The following CCDC40 variants were observed in gnomAD, a reference collection of about 807,000 sequenced individuals.
CCDC40 encodes the protein coiled-coil domain 40 molecular ruler complex subunit.
A neutral mutation model predicts 124.5 loss-of-function variants in CCDC40; 104 were observed. The ratio of observed to expected loss-of-function variants is 0.84; its 90% CI spans 0.71 to 0.98. The LOEUF (loss-of-function observed/expected upper bound fraction) is 0.98, where lower values mean the gene tolerates loss of function less well. Ranked by LOEUF, CCDC40 falls within the 50% of genes least tolerant of loss-of-function variation. CCDC40 has a pLI of 0.00. For missense variants in CCDC40, 1,463 were observed against 1,503.9 expected, an observed-to-expected ratio of 0.97 and a Z score of 0.45; for synonymous variants, 580 against 602.9, an observed-to-expected ratio of 0.96 and a Z score of 0.56.
intron 1 of CCDC40, among the ~76,000 whole-genome samples, chr17:80,037,376 C>G (rs980212168): frequency 6.6e-6 from 1 of 152,066 alleles, no homozygotes; most frequent in Admixed American, 6.6e-5. Flanking sequence ...GCCTTTTTAC[C>G]TTAGACACAT....
Position 80,068,089 on chromosome 17 carries a change from A to G in CCDC40, c.1562+2483A>G, listed in dbSNP as rs535898789. On this transcript the variant is annotated intron_variant, in intron 10 of 19. Coordinates refer to ENST00000397545, the MANE Select transcript of CCDC40 (RefSeq NM_017950.4). ...CGCTCTGTCCCCCAGGCTGGAGTGC[A>G]GTGGCACCATCTCTGCTCACTGCGA... 2.1e-5 allele frequency: 13 copies of G among 632,392 alleles called. No homozygotes were observed. The South Asian group carries it at 5.0e-4, about 24-fold the overall frequency. 39.2% of individuals were successfully genotyped at this position (632,392 alleles called of 1,614,324 possible). A position where few individuals can be genotyped will look rare whatever the true frequency, so the allele number is the denominator to read the frequency against.
At chr17:80,037,110 G>C (rs957600112) in intron 1 of CCDC40, among the ~76,000 whole-genome samples, 2 of 152,244 alleles carry the variant, frequency 1.3e-5, no homozygotes, top group South Asian at 2.1e-4. Flanking sequence ...GGGGCCACTC[G>C]CTGTGGCCGG....
Position 80,081,886 on chromosome 17 carries a change from TACTC to T in CCDC40, c.1820_1823del (p.Leu607ArgfsTer33), listed in dbSNP as rs1426307659. 4 of 1,614,086 alleles carry T rather than the reference TACTC, an allele frequency of 2.5e-6. No homozygotes were observed. The highest frequency in any genetic ancestry group is 2.2e-5 in the South Asian group (2 of 91,084). On this transcript the variant is annotated frameshift_variant, in exon 12 of 20. Coordinates refer to ENST00000397545, the MANE Select transcript of CCDC40 (RefSeq NM_017950.4). LOFTEE classifies it high-confidence loss of function. ...GCTCCTTGTCTCCAGGAACAAATGATACTCACGGAGGAGTTGCAGGCCATCCGCC... is the reference window on the plus strand; with the variant it reads ...GCTCCTTGTCTCCAGGAACAAATGATACGGAGGAGTTGCAGGCCATCCGCC...
chr17:80,080,520 C>A (rs1486023265), intron 10 of CCDC40, among the ~76,000 whole-genome samples: 2 of 152,174 alleles, frequency 1.3e-5, no homozygotes, highest in East Asian at 3.8e-4. Context: ...TTGAAGTGGG[C>A]CCACTGGTGT....
At chr17:80,044,234 C>A (rs951210648) in intron 3 of CCDC40, among the ~76,000 whole-genome samples, 1 of 152,196 alleles carries the variant, frequency 6.6e-6, no homozygotes, top group Non-Finnish European at 1.5e-5. Context: ...ACAAGGCACC[C>A]ATCCCTCCTA....
At chr17:80,057,652 G>A (rs1292414602) in intron 7 of CCDC40, among the ~76,000 whole-genome samples, 1 of 151,966 alleles carries the variant, frequency 6.6e-6, no homozygotes, top group African/African-American at 2.4e-5. Context: ...CAAGGTGGGT[G>A]GATCAGGAGG....
chr17:80,043,532 G>A (rs565040899), intron 3 of CCDC40, among the ~76,000 whole-genome samples: 23 of 133,782 alleles, frequency 1.7e-4, no homozygotes, highest in Non-Finnish European at 3.2e-4. Flanking sequence ...CCCTGCGGCC[G>A]GCCTTGGCTC....
chr17:80,095,268 G>A lies in CCDC40; in HGVS notation c.2838G>A (p.Arg946=). ...CCCTCTGTCCTGTCTCCCAGGTCAG[G>A]CTCGGGCAGCTGCTGAAGCAGCAGG... ...MKGEIHRMKV[R]LGQLLKQQEK... The change falls in exon 18 of 20, where the codon AGG becomes AGA. Residue 946 remains arginine (R), a synonymous_variant. Transcript: ENST00000397545. 3 of 1,613,834 alleles carry A rather than the reference G, an allele frequency of 1.9e-6. No individual in the cohort carries two copies. The highest frequency in any genetic ancestry group is 8.5e-7 in the Non-Finnish European group (1 of 1,180,016).
At position 80,058,482 on chromosome 17, in the gene CCDC40, C is replaced by T. The variant is rs767147492; in HGVS notation, c.1160-12C>T. ...CACTCTCTCTCTCTTTCTCCCCCGC[C>T]GCGCCCCGCAGTGGCGGCTCTGCAG... On this transcript the variant is annotated splice_polypyrimidine_tract_variant and intron_variant, in intron 7 of 19. Coordinates refer to ENST00000397545, the MANE Select transcript of CCDC40 (RefSeq NM_017950.4). This position sits in a 1 kb window ranked among gnomAD's most constrained non-coding sequence, Gnocchi z 4.2. 4.3e-6 allele frequency: 7 copies of T among 1,613,134 alleles called. No individual in the cohort carries two copies. Among genetic ancestry groups the T allele is most frequent in the African/African-American group, 2.7e-5 (2 of 74,912 alleles).
At chr17:80,083,097 G>A (rs1461586476) in intron 12 of CCDC40, among the ~76,000 whole-genome samples, 1 of 149,846 alleles carries the variant, frequency 6.7e-6, no homozygotes, top group African/African-American at 2.5e-5. Context: ...TGCCTAGGGG[G>A]AGCCAGGGTG....
chr17:80,099,059 G>A (rs12150543), intron 19 of CCDC40, among the ~76,000 whole-genome samples: 360 of 151,312 alleles, frequency 2.4e-3, no homozygotes, highest in Non-Finnish European at 4.0e-3. Context: ...GAGGCAGGCG[G>A]ATCACGAGGT....
Position 80,086,218 on chromosome 17 carries a change from T to A in CCDC40, c.2449+2T>A. 1.3e-6 allele frequency: 2 copies of A among 1,593,238 alleles called. No homozygotes were observed. On this transcript the variant is annotated splice_donor_variant, in intron 14 of 19. Coordinates refer to ENST00000397545, the MANE Select transcript of CCDC40 (RefSeq NM_017950.4). LOFTEE classifies it high-confidence loss of function. This position sits in a 1 kb window ranked among gnomAD's most constrained non-coding sequence, Gnocchi z 5.5. Reference sequence around the variant, plus strand: ...AGCAGAAGAAACTACGAGTAGAAAGTAAGAGCCGCCGTGCCCGGCCCTGCA... The same window carrying A: ...AGCAGAAGAAACTACGAGTAGAAAGAAAGAGCCGCCGTGCCCGGCCCTGCA...
At chr17:80,044,855 G>A (rs1335606132) in intron 3 of CCDC40, among the ~76,000 whole-genome samples, 4 of 152,034 alleles carry the variant, frequency 2.6e-5, no homozygotes, top group Admixed American at 6.5e-5. Context: ...ACACTGGGAA[G>A]TAGTTTTCAA....
intron 4 of CCDC40, 64 bp downstream of exon 4, chr17:80,047,466 G>A (rs2037457565): frequency 1.3e-6 from 2 of 1,545,984 alleles, no homozygotes; most frequent in African/African-American, 2.7e-5. Flanking sequence ...GCCCTTCTGT[G>A]CAAGGGATGC....
chr17:80,056,932 T>C (rs1377996602), intron 7 of CCDC40, among the ~76,000 whole-genome samples: 8 of 149,328 alleles, frequency 5.4e-5, no homozygotes, highest in Non-Finnish European at 1.2e-4. Context: ...TCCCAGCTAC[T>C]CAGGAGACTG....
At chr17:80,060,815 T>C (rs146628481) in intron 9 of CCDC40, among the ~76,000 whole-genome samples, 189 of 152,346 alleles carry the variant, frequency 1.2e-3, no homozygotes, top group African/African-American at 4.3e-3. Flanking sequence ...CCTAGTAGAT[T>C]ATAAATTACC....
chr17:80,097,039 C>T lies in CCDC40; in HGVS notation c.3022-206C>T, dbSNP rs541890212. Among the ~76,000 whole-genome samples the T allele has an allele frequency of 2.0e-5, 3 of 152,364 alleles. No homozygotes were observed. The East Asian group carries it at 5.8e-4, about 29-fold the overall frequency. ...CTCAGGCCCCCATCTCTCTGCCACACCTGCCTTAAAGGAGCAGTGTGCAGT... is the reference window on the plus strand; with the variant it reads ...CTCAGGCCCCCATCTCTCTGCCACATCTGCCTTAAAGGAGCAGTGTGCAGT... On this transcript the variant is annotated intron_variant, in intron 18 of 19. Transcript: ENST00000397545.
rs1277903092 is a variant in CCDC40 at position 80,095,373 on chromosome 17, G to C, written c.2943G>C (p.Met981Ile). The C allele has an allele frequency of 1.9e-6, 3 of 1,614,140 alleles. No homozygotes were observed. In the East Asian group the frequency reaches 6.7e-5, roughly 36 times the overall value. ...CCCAGGCCGAGGGGCAGCGCAAGAT[G>C]GACAGGAAGGCGCTCACCCGCACCG... ...VTTQAEGQRK[M>I]DRKALTRTDF... is the part of the protein sequence containing the mutation. The change falls in exon 18 of 20, where the codon ATG (methionine) becomes ATC (isoleucine). Residue 981 changes from methionine (M) to isoleucine (I), a missense_variant. Coordinates refer to ENST00000397545, the MANE Select transcript of CCDC40 (RefSeq NM_017950.4).
chr17:80,037,702 T>A lies in CCDC40; in HGVS notation c.30-421T>A, dbSNP rs1481380862. ...ATTTTTTAAAAAAGATATACATATATATATATATATATATATATTCCTGTG... is the reference window on the plus strand; with the variant it reads ...ATTTTTTAAAAAAGATATACATATAAATATATATATATATATATTCCTGTG... On this transcript the variant is annotated intron_variant, in intron 1 of 19. Transcript: ENST00000397545. 4.8e-3 allele frequency among the ~76,000 whole-genome samples: 643 copies of A among 133,754 alleles called. 14 individuals carry two copies. The highest frequency in any genetic ancestry group is 7.5e-3 in the Middle Eastern group (2 of 268). 87.7% of individuals were successfully genotyped at this position (133,754 alleles called of 152,430 possible).
Sources: gnomAD v4.1 joint callset for allele counts (sites outside exome capture counted in the v4.1 genomes callset) on GRCh38, gnomAD v4.1.1 for gene constraint, Gnocchi (gnomAD v3.1) non-coding constraint, MANE v1.5 for transcripts, NCBI Gene and HGNC (gene_info 2026-07-23, HGNC 2026-07-21) for gene names.